The following HDAC8 variants were observed in gnomAD, a reference collection of about 807,000 sequenced individuals.
The protein encoded by HDAC8 is histone deacetylase 8.
Under a neutral mutation model 32.2 loss-of-function variants are expected in HDAC8, and 1 was observed. That is an observed-to-expected ratio of 0.03 (90% CI 0.01 to 0.15). HDAC8 has a LOEUF of 0.15. Ranked by LOEUF, HDAC8 falls within the 10% of genes least tolerant of loss-of-function variation. The pLI, the probability that HDAC8 is intolerant of heterozygous loss-of-function variation, is 1.00. For synonymous variants in HDAC8, 108 were observed against 113.9 expected (o/e 0.95, Z 0.33); for missense variants, 117 against 300.0 (o/e 0.39, Z 4.51).
At chrX:72,572,593 T>TG in intron 1 of HDAC8, 58 bp downstream of exon 1, 2 of 787,036 alleles carry the variant, frequency 2.5e-6, no homozygotes, top group Non-Finnish European at 1.8e-6. Context: ...CGCTCTTTCG[T>TG]CCACCGCCCC....
chrX:72,485,446 T>C (rs1309996339), intron 7 of HDAC8, among the ~76,000 whole-genome samples: 1 of 111,621 alleles, frequency 9.0e-6, no homozygotes, highest in African/African-American at 3.3e-5. Flanking sequence ...AATTTTTAAC[T>C]GAAGGGGGTA....
intron 9 of HDAC8, among the ~76,000 whole-genome samples, chrX:72,413,946 A>G (rs2046267873): frequency 8.9e-6 from 1 of 112,148 alleles, no homozygotes; most frequent in South Asian, 3.8e-4. Flanking sequence ...CTGCTTTATA[A>G]GTCAGTCTCT....
chrX:72,344,807 T>C (rs1346151712), intron 10 of HDAC8, among the ~76,000 whole-genome samples: 1 of 111,680 alleles, frequency 9.0e-6, no homozygotes, highest in East Asian at 2.8e-4. Context: ...CTCAGTCATT[T>C]CTTCTATTTT....
chrX:72,336,893 G>A (rs1602508867), intron 10 of HDAC8, among the ~76,000 whole-genome samples: 1 of 110,863 alleles, frequency 9.0e-6, no homozygotes. Flanking sequence ...GGGACTACAG[G>A]CACATGCTAC....
At chrX:72,525,010 A>G in intron 4 of HDAC8, among the ~76,000 whole-genome samples, 1 of 111,864 alleles carries the variant, frequency 8.9e-6, no homozygotes, top group Middle Eastern at 4.6e-3. Context: ...GATTCTCATA[A>G]GGAGCATAAA....
intron 10 of HDAC8, among the ~76,000 whole-genome samples, chrX:72,333,887 G>A (rs1047225906): frequency 2.7e-5 from 3 of 110,898 alleles, no homozygotes; most frequent in Non-Finnish European, 5.7e-5. Context: ...AGTATAGCCA[G>A]AGCTAGGGGA....
At chrX:72,427,332 G>C (rs2046669271) in intron 9 of HDAC8, among the ~76,000 whole-genome samples, 1 of 110,520 alleles carries the variant, frequency 9.0e-6, no homozygotes, top group African/African-American at 3.3e-5. Context: ...CAATAGCAAA[G>C]ACTTGGAACC....
chrX:72,398,214 C>T (rs990340550), intron 9 of HDAC8, among the ~76,000 whole-genome samples: 5 of 112,236 alleles, frequency 4.5e-5, no homozygotes, highest in Non-Finnish European at 5.6e-5. Context: ...TTACATTTCC[C>T]TGATTACCAA....
At chrX:72,356,039 A>G (rs1033393105) in intron 9 of HDAC8, among the ~76,000 whole-genome samples, 2 of 112,402 alleles carry the variant, frequency 1.8e-5, no homozygotes, top group African/African-American at 3.2e-5. Flanking sequence ...AGCATTTTTA[A>G]TAGATTGACT....
rs782617971 is a variant in HDAC8, at chrX:72,351,831, G to A, written c.1013C>T (p.Thr338Ile). The stretch of plus-strand genomic sequence containing the variant: ...CAGCACATAATCAGGACCATATGCT[G>A]TGAAAAACTGTAAGGAAAAGGGAAA... ...SSEIPDHEFF[T>I]AYGPDYVLEI... Residue 338 changes from threonine (T) to isoleucine (I), a missense_variant, in exon 10 of 11, where the codon ACA becomes ATA. This residue lies in a region of HDAC8 where 5 missense variants were observed against 39.2 expected (regional missense o/e 0.13). Transcript: ENST00000373573. 8.3e-7 allele frequency: 1 copy of A among 1,197,817 alleles called. No homozygotes were observed.
At chrX:72,466,756 T>C (rs2048027788) in intron 7 of HDAC8, 1 of 112,371 alleles carries the variant, frequency 8.9e-6, no homozygotes, top group Non-Finnish European at 1.9e-5. Flanking sequence ...GTGTAGGAAC[T>C]TGTACATGAA....
intron 10 of HDAC8, among the ~76,000 whole-genome samples, chrX:72,351,113 CT>C (rs781848166): frequency 8.3e-4 from 87 of 104,368 alleles, no homozygotes; most frequent in Middle Eastern, 4.8e-3. Context: ...GAATTTTCCT[CT>C]TTTTTTTTTT....
chrX:72,509,679 T>C (rs149011928), intron 4 of HDAC8, among the ~76,000 whole-genome samples: 39 of 111,361 alleles, frequency 3.5e-4, no homozygotes, highest in Middle Eastern at 9.3e-3. Flanking sequence ...GTCAAACTCA[T>C]AGAAGCGAAG....
intron 10 of HDAC8, among the ~76,000 whole-genome samples, chrX:72,331,442 T>C (rs1462458470): frequency 1.8e-5 from 2 of 111,547 alleles, no homozygotes; most frequent in Non-Finnish European, 3.8e-5. Context: ...CACTGTAGTG[T>C]TGTCTTTTTG....
intron 9 of HDAC8, among the ~76,000 whole-genome samples, chrX:72,372,078 G>A (rs2044895295): frequency 9.0e-6 from 1 of 111,413 alleles, no homozygotes; most frequent in Admixed American, 9.5e-5. Context: ...GTTGGACTCT[G>A]TGCCGTTTGT....
chrX:72,401,110 G>C lies in HDAC8; in HGVS notation c.1006-49272C>G, dbSNP rs934896313. ...TATATACTTAGGAGTGGAATTGCTG[G>C]GTCATAAGGTAACTCTATGTTCAAC... On this transcript the variant is annotated intron_variant, in intron 9 of 10. Transcript: ENST00000373573. Among the ~76,000 whole-genome samples the C allele has an allele frequency of 2.7e-5, 3 of 112,101 alleles. No homozygotes were observed. In the Admixed American group the frequency reaches 2.8e-4, roughly 11 times the overall value.
At chrX:72,370,622 G>A (rs929871176) in intron 9 of HDAC8, among the ~76,000 whole-genome samples, 1 of 112,289 alleles carries the variant, frequency 8.9e-6, no homozygotes, top group Non-Finnish European at 1.9e-5. Context: ...GGCTCCCAAA[G>A]TGCTGGGATT....
rs1187867472 is a variant in HDAC8 at position 72,330,071 on chromosome X, G to T, written c.1117C>A (p.Leu373Met). The change falls in exon 11 of 11, where the codon CTG (leucine) becomes ATG (methionine). Residue 373 changes from leucine to methionine, a missense_variant. Around this residue, in one of 4 missense-constraint regions of HDAC8, gnomAD observed 18 missense variants for 25.7 expected, o/e 0.70. Coordinates refer to ENST00000373573, the MANE Select transcript of HDAC8 (RefSeq NM_018486.3). Reference sequence around the variant, plus strand: ...TCTGTCAACTAGACCACATGCTTCAGATTCCCTGCAAACAGGGGAGAAAAC... The same window carrying T: ...TCTGTCAACTAGACCACATGCTTCATATTCCCTGCAAACAGGGGAGAAAAC... ...QQILNYIKGNLKHVV is the reference protein window; with the variant it reads ...QQILNYIKGNMKHVV The T allele has an allele frequency of 2.5e-6, 3 of 1,205,163 alleles. No homozygotes were observed. Among genetic ancestry groups the T allele is most frequent in the Admixed American group, 2.2e-5 (1 of 45,712 alleles).
chrX:72,554,451 C>A (rs1456904955), intron 4 of HDAC8, among the ~76,000 whole-genome samples: 1 of 93,913 alleles, frequency 1.1e-5, no homozygotes, highest in Non-Finnish European at 2.0e-5. Flanking sequence ...TGGTCACTGG[C>A]TGCCTGGAAA....
Sources: gnomAD v4.1 joint callset for allele counts (sites outside exome capture counted in the v4.1 genomes callset) on GRCh38, gnomAD v4.1.1 for gene constraint, gnomAD v4.1.1 regional missense constraint, MANE v1.5 for transcripts, NCBI Gene and HGNC (gene_info 2026-07-23, HGNC 2026-07-21) for gene names.